The following CORT variants were observed in gnomAD, a reference collection of about 807,000 sequenced individuals.
CORT encodes cortistatin.
In CORT, 2 loss-of-function variants were observed where a neutral mutation model predicts 4.4. The ratio of observed to expected loss-of-function variants is 0.46; its 90% confidence interval spans 0.19 to 1.44. The LOEUF (loss-of-function observed/expected upper bound fraction) is 1.44, where lower values mean the gene tolerates loss of function less well. CORT is among the 40% of genes most tolerant of loss of function. The pLI is 0.26. For synonymous variants in CORT, 72 were observed against 62.0 expected, an observed-to-expected ratio of 1.16 and a Z score of -0.75; for missense variants, 158 against 140.2, an observed-to-expected ratio of 1.13 and a Z score of -0.64.
At position 10,451,825 on chromosome 1, in the gene CORT, G is replaced by C. The variant is rs1200652138; in HGVS notation, c.*230G>C. 9 of 528,452 alleles carry C rather than the reference G, an allele frequency of 1.7e-5. No individual in the cohort carries two copies. The highest frequency in any genetic ancestry group is 2.7e-5 in the Non-Finnish European group (9 of 334,574). 32.7% of individuals were successfully genotyped at this position (528,452 alleles called of 1,614,324 possible). ...TGGACTGTGCTGAGTGCGGGCACTG[G>C]GCTTTTCTTCTGATGTTCATTATGG... On this transcript the variant is annotated 3_prime_UTR_variant, in exon 2 of 2. Transcript: ENST00000377049.
Position 10,451,863 on chromosome 1 carries a change from C to T in CORT, c.*268C>T, listed in dbSNP as rs560492454. 50 of 331,610 alleles carry T rather than the reference C, an allele frequency of 1.5e-4. No homozygotes were observed. Among genetic ancestry groups the T allele is most frequent in the Non-Finnish European group, 2.5e-4 (48 of 188,714 alleles). The allele number at this position is 331,610 out of a possible 1,614,324, so 20.5% of individuals were successfully genotyped here. A position where few individuals can be genotyped will look rare whatever the true frequency, so the allele number is the denominator to read the frequency against. ...ATGTTCATTATGGTGCTGGGAAGCTCTGTCTTTGATTTAAAATAAAATAGC... is the reference window on the plus strand; with the variant it reads ...ATGTTCATTATGGTGCTGGGAAGCTTTGTCTTTGATTTAAAATAAAATAGC... On this transcript the variant is annotated 3_prime_UTR_variant, in exon 2 of 2. Transcript: ENST00000377049.
chr1:10,450,428 T>C (rs765753601), intron 1 of CORT, 106 bp downstream of exon 1: 87 of 1,216,990 alleles, frequency 7.1e-5, no homozygotes, highest in Non-Finnish European at 8.4e-5. Flanking sequence ...ACTTCACAGC[T>C]TGGACAGGAC....
At chr1:10,451,246 CTT>C (rs911642809) in intron 1 of CORT, 129 bp from the exon 2 acceptor site, 8 of 1,201,298 alleles carry the variant, frequency 6.7e-6, no homozygotes, top group African/African-American at 6.3e-5. Flanking sequence ...TTTTCTTTCT[CTT>C]TTCTCCAGGG....
In CORT at chr1:10,451,979, C is replaced by T. The variant is rs138494067; in HGVS notation, c.*384C>T. On this transcript the variant is annotated 3_prime_UTR_variant, in exon 2 of 2. Coordinates refer to ENST00000377049, the MANE Select transcript of CORT (RefSeq NM_001302.5). ...TCTAATTTAAAAAATATTTCCCTCACATTAAAAGCAAATTTTTAATATCAG... is the reference window on the plus strand; with the variant it reads ...TCTAATTTAAAAAATATTTCCCTCATATTAAAAGCAAATTTTTAATATCAG... 1.0e-3 allele frequency: 162 copies of T among 159,472 alleles called. 2 individuals carry two copies. The highest frequency in any genetic ancestry group is 3.4e-3 in the African/African-American group (144 of 41,912). 9.9% of individuals were successfully genotyped at this position (159,472 alleles called of 1,614,324 possible). A position where few individuals can be genotyped will look rare whatever the true frequency, so the allele number is the denominator to read the frequency against.
At position 10,451,611 on chromosome 1, in the gene CORT, T is replaced by G. The variant is rs375360298; in HGVS notation, c.*16T>G. On this transcript the variant is annotated 3_prime_UTR_variant, in exon 2 of 2. Coordinates refer to ENST00000377049, the MANE Select transcript of CORT (RefSeq NM_001302.5). The stretch of plus-strand genomic sequence containing the variant: ...CTGCAAATAAAACCTCACCCATGAA[T>G]GCTCACGCAAGTGTAATGACAGACC... 2.5e-5 allele frequency: 40 copies of G among 1,605,868 alleles called. No individual in the cohort carries two copies. The African/African-American group carries it at 4.1e-4, about 17-fold the overall frequency.
chr1:10,450,291 T>G lies in CORT; in HGVS notation c.68T>G (p.Leu23Arg), dbSNP rs556873478. ...GCCACGGCCACCGCTGCCCTGCCCCTGGAGGGTGGCCCCACCGGCCGAGAC... is the reference window on the plus strand; with the variant it reads ...GCCACGGCCACCGCTGCCCTGCCCCGGGAGGGTGGCCCCACCGGCCGAGAC... The part of the protein sequence containing the change: ...SGATATAALP[L>R]EGGPTGRDSE... Residue 23 changes from leucine to arginine, a missense_variant, in exon 1 of 2, where the codon CTG (leucine) becomes CGG (arginine). By Grantham distance (102) the Leu-to-Arg change is moderately radical (BLOSUM62 -2). Transcript: ENST00000377049. 2.8e-5 allele frequency: 43 copies of G among 1,526,582 alleles called. No individual in the cohort carries two copies. In the South Asian group the frequency reaches 5.5e-4, roughly 20 times the overall value. The allele number at this position is 1,526,582 out of a possible 1,614,324, so 94.6% of individuals were successfully genotyped here.
At chr1:10,451,292 G>T in intron 1 of CORT, 85 bp from the exon 2 acceptor site, 1 of 1,404,180 alleles carries the variant, frequency 7.1e-7, no homozygotes, top group Non-Finnish European at 9.3e-7. Context: ...TTTAAGTAAG[G>T]AGGAGATTGC....
intron 1 of CORT, among the ~76,000 whole-genome samples, chr1:10,450,740 GTGAT>G (rs138710482): frequency 3.1e-4 from 47 of 152,316 alleles, no homozygotes; most frequent in African/African-American, 9.9e-4. Flanking sequence ...ACTTCGTGAG[GTGAT>G]TGATTGTTCT....
At chr1:10,450,416 G>A in intron 1 of CORT, 94 bp downstream of exon 1, 1 of 1,265,658 alleles carries the variant, frequency 7.9e-7, no homozygotes. Flanking sequence ...CACGTGTGTT[G>A]CACTTCACAG....
chr1:10,450,131 G>A lies in CORT; in HGVS notation c.-93G>A. 6.2e-7 allele frequency: 1 copy of A among 1,609,324 alleles called. No individual in the cohort carries two copies. Among genetic ancestry groups the A allele is most frequent in the Non-Finnish European group, 8.5e-7 (1 of 1,178,224 alleles). On this transcript the variant is annotated 5_prime_UTR_variant, in exon 1 of 2. Coordinates refer to ENST00000377049, the MANE Select transcript of CORT (RefSeq NM_001302.5). ...CTTAAAATACCCACCAAGCTCCAAAGAAGAGACCCAAGTCCCCAAAACATT... is the reference window on the plus strand; with the variant it reads ...CTTAAAATACCCACCAAGCTCCAAAAAAGAGACCCAAGTCCCCAAAACATT...
Position 10,450,307 on chromosome 1 carries a change from C to A in CORT, c.84C>A (p.Thr28=). 6.6e-7 allele frequency: 1 copy of A among 1,513,174 alleles called. No homozygotes were observed. The highest frequency in any genetic ancestry group is 1.4e-5 in the South Asian group (1 of 74,050). The allele number at this position is 1,513,174 out of a possible 1,614,324, so 93.7% of individuals were successfully genotyped here. ...CCCTGCCCCTGGAGGGTGGCCCCAC[C>A]GGCCGAGACAGCGAGGTGAGTACAG... The part of the protein sequence containing the change: ...TAALPLEGGP[T]GRDSEHMQEA... Residue 28 remains threonine (T), a synonymous_variant, in exon 1 of 2, where the codon ACC becomes ACA. Transcript: ENST00000377049.
At position 10,451,649 on chromosome 1, in the gene CORT, A is replaced by G. The variant is rs1640793330; in HGVS notation, c.*54A>G. 6.5e-7 allele frequency: 1 copy of G among 1,535,048 alleles called. No individual in the cohort carries two copies. The highest frequency in any genetic ancestry group is 2.1e-5 in the Admixed American group (1 of 48,774). ...GTAATGACAGACCTGAATAAAATGT[A>G]TTAAGCAGCAGTGATCTTTCCTCTC... is the stretch of plus-strand genomic sequence containing the variant. On this transcript the variant is annotated 3_prime_UTR_variant, in exon 2 of 2. Coordinates refer to ENST00000377049, the MANE Select transcript of CORT (RefSeq NM_001302.5).
chr1:10,451,678 C>A lies in CORT; in HGVS notation c.*83C>A. The A allele has an allele frequency of 6.9e-7, 1 of 1,459,826 alleles. No homozygotes were observed. The highest frequency in any genetic ancestry group is 9.1e-7 in the Non-Finnish European group (1 of 1,101,276). 90.4% of individuals were successfully genotyped at this position (1,459,826 alleles called of 1,614,324 possible). ...AGCAGCAGTGATCTTTCCTCTCCTC[C>A]TTCCCAAGTCATTTGAAAAGTGTTT... On this transcript the variant is annotated 3_prime_UTR_variant, in exon 2 of 2. Coordinates refer to ENST00000377049, the MANE Select transcript of CORT (RefSeq NM_001302.5).
intron 1 of CORT, 133 bp downstream of exon 1, chr1:10,450,455 T>A: frequency 9.7e-7 from 1 of 1,036,098 alleles, no homozygotes; most frequent in Non-Finnish European, 1.2e-6. Flanking sequence ...CTCAACTTTG[T>A]AGTGTTCTTG....
Position 10,451,450 on chromosome 1 carries a change from C to T in CORT, c.173C>T (p.Ser58Phe). The T allele has an allele frequency of 2.5e-6, 4 of 1,614,066 alleles. No homozygotes were observed. The highest frequency in any genetic ancestry group is 3.4e-6 in the Non-Finnish European group (4 of 1,179,970). Residue 58 changes from serine (S) to phenylalanine (F), a missense_variant, in exon 2 of 2, where the codon TCC becomes TTC. Physicochemically the swap from Ser to Phe is radical, Grantham distance 155 (BLOSUM62 -2). Transcript: ENST00000377049. ...CTCGCTTGGTGGTTTGAGTGGACCT[C>T]CCAGGCCAGTGCCGGGCCCCTCATA... ...TFLAWWFEWT[S>F]QASAGPLIGE...
rs1640790703 is a variant in CORT, at chr1:10,451,576, CCTT to C, written c.302_304del (p.Phe101del). 5 of 1,612,658 alleles carry C rather than the reference CCTT, an allele frequency of 3.1e-6. No homozygotes were observed. Among genetic ancestry groups the C allele is most frequent in the East Asian group, 2.2e-5 (1 of 44,876 alleles). On this transcript the variant is annotated inframe_deletion, in exon 2 of 2. Transcript: ENST00000377049. ...CCCTGCAGGAACTTCTTCTGGAAGA[CCTT>C]CTCCTCCTGCAAATAAAACCTCACC...
intron 1 of CORT, among the ~76,000 whole-genome samples, chr1:10,450,615 CA>C (rs1225526713): frequency 6.6e-6 from 1 of 152,222 alleles, no homozygotes; most frequent in Non-Finnish European, 1.5e-5. Flanking sequence ...CCGTCCACTG[CA>C]GGGCAGGCAT....
Position 10,450,134 on chromosome 1 carries a change from G to A in CORT, c.-90G>A. 1.2e-6 allele frequency: 2 copies of A among 1,609,668 alleles called. No homozygotes were observed. Among genetic ancestry groups the A allele is most frequent in the Non-Finnish European group, 1.7e-6 (2 of 1,178,308 alleles). ...AAAATACCCACCAAGCTCCAAAGAA[G>A]AGACCCAAGTCCCCAAAACATTGAT... On this transcript the variant is annotated 5_prime_UTR_variant, in exon 1 of 2. Coordinates refer to ENST00000377049, the MANE Select transcript of CORT (RefSeq NM_001302.5).
Position 10,450,245 on chromosome 1 carries a change from C to T in CORT, c.22C>T (p.Leu8=), listed in dbSNP as rs1640739604. Residue 8 remains leucine, a synonymous_variant, in exon 1 of 2, where the codon CTG becomes TTG. Coordinates refer to ENST00000377049, the MANE Select transcript of CORT (RefSeq NM_001302.5). ...CAAGATGCCATTGTCCCCCGGCCTC[C>T]TGCTGCTGCTGCTCTCCGGGGCCAC... MPLSPGL[L]LLLLSGATAT... is the part of the protein sequence containing the mutation. 5 of 1,567,798 alleles carry T rather than the reference C, an allele frequency of 3.2e-6. No individual in the cohort carries two copies. In the South Asian group the frequency reaches 3.6e-5, roughly 11 times the overall value.
Sources: gnomAD v4.1 joint callset for allele counts (sites outside exome capture counted in the v4.1 genomes callset) on GRCh38, gnomAD v4.1.1 for gene constraint, MANE v1.5 for transcripts, NCBI Gene and HGNC (gene_info 2026-07-23, HGNC 2026-07-21) for gene names.